TEX9: variants seen among roughly 807,000 people sequenced by gnomAD.
TEX9 encodes testis-expressed protein 9.
Under a neutral mutation model 59.6 loss-of-function variants are expected in TEX9, and 74 were observed. The observed-to-expected ratio is 1.24, with a 90% CI of 1.03 to 1.51. The LOEUF (loss-of-function observed/expected upper bound fraction) is 1.51, where lower values mean the gene tolerates loss of function less well. Ranked by LOEUF, TEX9 falls within the 40% of genes most tolerant of loss-of-function variation. The pLI, the probability that TEX9 is intolerant of heterozygous loss-of-function variation, is 0.00. For missense variants in TEX9, 522 were observed against 447.8 expected (o/e 1.17, Z -1.49); for synonymous variants, 186 against 152.2 (o/e 1.22, Z -1.64).
At chr15:56,410,587 C>T (rs2049298845) in intron 9 of TEX9, among the ~76,000 whole-genome samples, 1 of 151,930 alleles carries the variant, frequency 6.6e-6, no homozygotes, top group South Asian at 2.1e-4. Context: ...TGGATTTACT[C>T]ATATAGAAAA....
intron 1 of TEX9, among the ~76,000 whole-genome samples, chr15:56,345,472 A>C (rs1274112268): frequency 6.6e-6 from 1 of 152,162 alleles, no homozygotes; most frequent in Non-Finnish European, 1.5e-5. Flanking sequence ...TTCCCCCCTA[A>C]GAGATGGGGT....
intron 1 of TEX9, among the ~76,000 whole-genome samples, chr15:56,355,965 A>T (rs1226927842): frequency 6.6e-6 from 1 of 152,124 alleles, no homozygotes; most frequent in Non-Finnish European, 1.5e-5. Context: ...GGTATATAGA[A>T]GTATAATTAA....
chr15:56,382,125 C>G (rs564019433), intron 3 of TEX9, among the ~76,000 whole-genome samples: 1 of 152,182 alleles, frequency 6.6e-6, no homozygotes, highest in African/African-American at 2.4e-5. Context: ...GGAGCCTCTC[C>G]TTGTGGTCAC....
chr15:56,321,903 G>A (rs1322128200), intron 1 of TEX9, among the ~76,000 whole-genome samples: 2 of 151,958 alleles, frequency 1.3e-5, no homozygotes, highest in Non-Finnish European at 2.9e-5. Flanking sequence ...ATAAGTAGTT[G>A]CCGGGGTTAG....
At position 56,337,089 on chromosome 15, in the gene TEX9, T is replaced by C. The variant is rs2046271562; in HGVS notation, c.-106-36352T>C. On this transcript the variant is annotated intron_variant, in intron 1 of 5. Transcript: ENST00000560827. ...TCTGGAGATAACTTACCCTGGATTC[T>C]AGTTAGTCTTTTTTTCCTGGAAAAA... Among the ~76,000 whole-genome samples, 5 of 152,326 alleles carry C rather than the reference T, an allele frequency of 3.3e-5. No homozygotes were observed. The South Asian group carries it at 1.0e-3, about 32-fold the overall frequency.
chr15:56,407,518 ATTATAT>A (rs1238320550), intron 9 of TEX9, among the ~76,000 whole-genome samples: 1 of 152,110 alleles, frequency 6.6e-6, no homozygotes, highest in Non-Finnish European at 1.5e-5. Context: ...TATTATGTTT[ATTATAT>A]TTATAATACC....
intron 1 of TEX9, among the ~76,000 whole-genome samples, chr15:56,330,036 A>G (rs543598712): frequency 6.6e-6 from 1 of 152,010 alleles, no homozygotes; most frequent in Non-Finnish European, 1.5e-5. Context: ...GAAAAGAAAA[A>G]AAACAAACAA....
intron 1 of TEX9, among the ~76,000 whole-genome samples, chr15:56,328,524 A>G (rs1307176580): frequency 9.2e-5 from 14 of 152,030 alleles, no homozygotes; most frequent in Non-Finnish European, 8.8e-5. Flanking sequence ...CATTTCTCAA[A>G]CTGCTTTGGG....
At chr15:56,400,030 A>C (rs146879282) in intron 9 of TEX9, among the ~76,000 whole-genome samples, 1 of 152,202 alleles carries the variant, frequency 6.6e-6, no homozygotes, top group Non-Finnish European at 1.5e-5. Flanking sequence ...GATGGGGAGA[A>C]ACCAGAGCAG....
chr15:56,280,872 A>C (rs1279142327), intron 1 of TEX9, among the ~76,000 whole-genome samples: 1 of 152,238 alleles, frequency 6.6e-6, no homozygotes, highest in Non-Finnish European at 1.5e-5. Context: ...CCTAGCATAG[A>C]TCTGCTAAAG....
exon 8 of TEX9, chr15:56,394,231 G>A: frequency 6.2e-7 from 1 of 1,605,760 alleles, no homozygotes; most frequent in East Asian, 2.2e-5. Flanking sequence ...AATGTTGTAT[G>A]TGAATGCAAT....
At chr15:56,367,949 A>C (rs1596124985) in intron 2 of TEX9, among the ~76,000 whole-genome samples, 1 of 152,144 alleles carries the variant, frequency 6.6e-6, no homozygotes, top group South Asian at 2.1e-4. Flanking sequence ...GATGAAGACA[A>C]TTATATGCAA....
chr15:56,389,503 C>A, intron 6 of TEX9, 103 bp downstream of exon 6: 1 of 803,314 alleles, frequency 1.2e-6, no homozygotes, highest in South Asian at 1.7e-5. Flanking sequence ...GATCTTTTTA[C>A]ACCCTAAACA....
chr15:56,253,978 A>G (rs1487913554), intron 1 of TEX9, among the ~76,000 whole-genome samples: 1 of 152,222 alleles, frequency 6.6e-6, no homozygotes, highest in African/African-American at 2.4e-5. Flanking sequence ...TTTTGAAATA[A>G]AAATGGCAAG....
intron 4 of TEX9, among the ~76,000 whole-genome samples, chr15:56,388,034 G>T (rs779186795): frequency 2.0e-4 from 30 of 151,952 alleles, no homozygotes; most frequent in Non-Finnish European, 3.4e-4. Flanking sequence ...CAAGGCAGAC[G>T]TGATTTCTAC....
chr15:56,299,027 C>A, intron 1 of TEX9, among the ~76,000 whole-genome samples: 1 of 152,162 alleles, frequency 6.6e-6, no homozygotes, highest in South Asian at 2.1e-4. Context: ...TATTGAGCAA[C>A]CATCTACCCA....
chr15:56,349,041 A>G (rs1393112568), intron 1 of TEX9, among the ~76,000 whole-genome samples: 1 of 152,038 alleles, frequency 6.6e-6, no homozygotes, highest in African/African-American at 2.4e-5. Flanking sequence ...GAATTTTTCA[A>G]TGTTTCCATG....
At chr15:56,452,542 A>G in the TEX9 span, among the ~76,000 whole-genome samples, 1 of 148,326 alleles carries the variant, frequency 6.7e-6, no homozygotes, top group East Asian at 2.0e-4. Flanking sequence ...TTTTTGAGAC[A>G]GAGTCTCTCT....
rs373964283 is a variant in TEX9 at position 56,425,821 on chromosome 15, C to T, written c.964-1784C>T. On this transcript the variant is annotated intron_variant, in intron 10 of 12. Coordinates refer to ENST00000352903, the Ensembl canonical transcript of TEX9. ...ATTGAAAAACGGGTGTTTGAAAAAA[C>T]AGCCACTTCTCCCAGTCTTGCAGAC... is the stretch of plus-strand genomic sequence containing the variant. Among the ~76,000 whole-genome samples, 3 of 152,130 alleles carry T rather than the reference C, an allele frequency of 2.0e-5. 1 individual carries two copies. The highest frequency in any genetic ancestry group is 6.5e-5 in the Admixed American group (1 of 15,274).
Sources: gnomAD v4.1 joint callset for allele counts (sites outside exome capture counted in the v4.1 genomes callset) on GRCh38, gnomAD v4.1.1 for gene constraint, MANE v1.5 for transcripts, NCBI Gene and HGNC (gene_info 2026-07-23, HGNC 2026-07-21) for gene names.